Variants in FAF1 observed in about 807,000 individuals in gnomAD.
The protein encoded by FAF1 is Fas associated factor 1.
A neutral mutation model predicts 92.5 loss-of-function variants in FAF1; 25 were observed. That is an observed-to-expected ratio of 0.27 (90% CI 0.20 to 0.38). The LOEUF (loss-of-function observed/expected upper bound fraction) is 0.38. Ranked by LOEUF, FAF1 falls within the 10% of genes least tolerant of loss-of-function variation. The pLI, the probability that FAF1 is intolerant of heterozygous loss-of-function variation, is 1.00. For synonymous variants in FAF1, 234 were observed against 273.2 expected, an observed-to-expected ratio of 0.86 and a Z score of 1.42; for missense variants, 636 against 793.3, an observed-to-expected ratio of 0.80 and a Z score of 2.38.
chr1:50,742,643 C>G (rs1325636423), intron 5 of FAF1, among the ~76,000 whole-genome samples: 1 of 152,172 alleles, frequency 6.6e-6, no homozygotes, highest in East Asian at 1.9e-4. Context: ...CTCAGCTTCC[C>G]CAAGTGTTGG....
intron 1 of FAF1, among the ~76,000 whole-genome samples, chr1:50,883,868 T>TA (rs2124691435): frequency 6.6e-6 from 1 of 152,288 alleles, no homozygotes; most frequent in South Asian, 2.1e-4. Flanking sequence ...CTCATACCTA[T>TA]AATCCCAGCA....
chr1:50,662,229 G>C (rs976878764), intron 7 of FAF1, among the ~76,000 whole-genome samples: 3 of 152,142 alleles, frequency 2.0e-5, no homozygotes, highest in South Asian at 2.1e-4. Flanking sequence ...ATGAAGATCT[G>C]TTTCAAGAAA....
At chr1:50,453,551 C>T (rs1466927098) in intron 18 of FAF1, among the ~76,000 whole-genome samples, 1 of 152,222 alleles carries the variant, frequency 6.6e-6, no homozygotes, top group African/African-American at 2.4e-5. Flanking sequence ...AAGGCTCTCT[C>T]TGAGCTATTT....
intron 2 of FAF1, among the ~76,000 whole-genome samples, chr1:50,806,589 C>A (rs1030298767): frequency 1.3e-5 from 2 of 152,186 alleles, no homozygotes; most frequent in Non-Finnish European, 2.9e-5. Context: ...CCCACTAACC[C>A]GCTGAGACAA....
At chr1:50,888,310 T>C (rs188512405) in intron 1 of FAF1, among the ~76,000 whole-genome samples, 50 of 152,354 alleles carry the variant, frequency 3.3e-4, no homozygotes, top group Middle Eastern at 3.4e-3. Context: ...TATACAATCA[T>C]GTCATCTGCA....
intron 6 of FAF1, among the ~76,000 whole-genome samples, chr1:50,733,525 T>G (rs1659015962): frequency 6.6e-6 from 1 of 152,156 alleles, no homozygotes; most frequent in Non-Finnish European, 1.5e-5. Context: ...AGGATACAAT[T>G]CAGGTTAAAG....
chr1:50,749,439 G>A (rs1268410152), intron 4 of FAF1, among the ~76,000 whole-genome samples: 1 of 152,136 alleles, frequency 6.6e-6, no homozygotes, highest in African/African-American at 2.4e-5. Context: ...CACAGAAAGA[G>A]AGGAATAGAA....
intron 7 of FAF1, among the ~76,000 whole-genome samples, chr1:50,676,308 G>A (rs1656115938): frequency 6.6e-6 from 1 of 151,998 alleles, no homozygotes; most frequent in Non-Finnish European, 1.5e-5. Context: ...TCAGGAGGCT[G>A]AGGCAGGAGA....
chr1:50,465,440 T>G (rs1646482407), intron 18 of FAF1, among the ~76,000 whole-genome samples: 1 of 152,320 alleles, frequency 6.6e-6, no homozygotes, highest in African/African-American at 2.4e-5. Context: ...CACAGGCTGT[T>G]TGTTAATTTG....
chr1:50,751,196 C>T (rs924997641), intron 4 of FAF1, among the ~76,000 whole-genome samples: 1 of 150,292 alleles, frequency 6.7e-6, no homozygotes, highest in African/African-American at 2.4e-5. Context: ...GAATATAAGG[C>T]AGCTTTGTAA....
chr1:50,711,463 C>CTTTTTTT (rs1160668174), intron 6 of FAF1, among the ~76,000 whole-genome samples: 19 of 81,970 alleles, frequency 2.3e-4, no homozygotes, highest in East Asian at 6.3e-4. Flanking sequence ...TCCACACTGA[C>CTTTTTTT]TTTTTTTTTT....
chr1:50,556,705 T>A (rs1649599853), intron 13 of FAF1, among the ~76,000 whole-genome samples: 1 of 151,536 alleles, frequency 6.6e-6, no homozygotes, highest in Non-Finnish European at 1.5e-5. Context: ...GATGTAGTGG[T>A]GTGCACCTGT....
intron 2 of FAF1, among the ~76,000 whole-genome samples, chr1:50,840,204 G>C (rs1644244576): frequency 6.6e-6 from 1 of 151,890 alleles, no homozygotes; most frequent in Non-Finnish European, 1.5e-5. Context: ...GTTAAGGAAA[G>C]GATTTCCCAC....
intron 8 of FAF1, among the ~76,000 whole-genome samples, chr1:50,627,543 T>C (rs1044613874): frequency 2.8e-4 from 42 of 151,078 alleles, no homozygotes; most frequent in Admixed American, 5.3e-4. Flanking sequence ...TATGGATCCA[T>C]CTCATAAACG....
chr1:50,575,820 A>G (rs1420696971), intron 12 of FAF1, among the ~76,000 whole-genome samples: 1 of 152,238 alleles, frequency 6.6e-6, no homozygotes, highest in African/African-American at 2.4e-5. Context: ...GTGGTGAGCT[A>G]GAAACTTACC....
At chr1:50,475,178 A>T (rs1646623405) in intron 18 of FAF1, among the ~76,000 whole-genome samples, 1 of 152,246 alleles carries the variant, frequency 6.6e-6, no homozygotes, top group Admixed American at 6.5e-5. Flanking sequence ...TGAGGAATAC[A>T]GATGAGACAT....
intron 7 of FAF1, among the ~76,000 whole-genome samples, chr1:50,696,546 TAATC>T (rs1202283767): frequency 6.6e-6 from 1 of 152,218 alleles, no homozygotes; most frequent in Non-Finnish European, 1.5e-5. Flanking sequence ...ATTATAATCA[TAATC>T]AATGTGTGGA....
At chr1:50,713,310 G>A (rs1457362030) in intron 6 of FAF1, among the ~76,000 whole-genome samples, 2 of 151,108 alleles carry the variant, frequency 1.3e-5, no homozygotes, top group African/African-American at 4.9e-5. Flanking sequence ...CTCTCACTCT[G>A]TCACCCAGGC....
chr1:50,838,260 A>G (rs533724170), intron 2 of FAF1, among the ~76,000 whole-genome samples: 14 of 152,100 alleles, frequency 9.2e-5, no homozygotes, highest in Non-Finnish European at 1.9e-4. Context: ...AAGAATCTAT[A>G]CTTGAGGATA....
Sources: gnomAD v4.1 joint callset for allele counts (sites outside exome capture counted in the v4.1 genomes callset) on GRCh38, gnomAD v4.1.1 for gene constraint, MANE v1.5 for transcripts, NCBI Gene and HGNC (gene_info 2026-07-23, HGNC 2026-07-21) for gene names.